AHCYL1: variants seen among roughly 807,000 people sequenced by gnomAD.
The protein encoded by AHCYL1 is S-adenosylhomocysteine hydrolase-like protein 1.
In AHCYL1, 20 loss-of-function variants were observed where a neutral mutation model predicts 79.3. That is an observed-to-expected ratio of 0.25 (90% CI 0.18 to 0.37). AHCYL1 has a LOEUF of 0.37. Among genes scored for constraint, AHCYL1 ranks in the 10% least tolerant of loss-of-function variants. The pLI, the probability that AHCYL1 is intolerant of heterozygous loss-of-function variation, is 1.00. For missense variants in AHCYL1, 330 were observed against 673.6 expected (o/e 0.49, Z 5.65); for synonymous variants, 223 against 242.2 (o/e 0.92, Z 0.74).
In AHCYL1 at chr1:110,011,495, A is replaced by G. The variant is rs190188139; in HGVS notation, c.376+138A>G. ...CAGTATTATGGACTTTCGGATAAAC[A>G]CTTCTCTCTCTATGGAACTTAAGTC... On this transcript the variant is annotated intron_variant, in intron 3 of 16. Coordinates refer to ENST00000369799, the MANE Select transcript of AHCYL1 (RefSeq NM_006621.7). 2,514 of 1,186,932 alleles carry G rather than the reference A, an allele frequency of 2.1e-3. 8 individuals carry two copies. Among genetic ancestry groups the G allele is most frequent in the Non-Finnish European group, 2.8e-3 (2,348 of 850,558 alleles). 73.5% of individuals were successfully genotyped at this position (1,186,932 alleles called of 1,614,324 possible).
chr1:109,990,784 C>T (rs59745525), intron 1 of AHCYL1, among the ~76,000 whole-genome samples: 3 of 152,194 alleles, frequency 2.0e-5, no homozygotes, highest in African/African-American at 2.4e-5. Context: ...TTGTCAGACA[C>T]TGGGCCAGTC....
rs371748913 is a variant in AHCYL1 at position 110,023,274 on chromosome 1, T to TC, written c.*1597dup. On this transcript the variant is annotated 3_prime_UTR_variant, in exon 17 of 17. Transcript: ENST00000369799. ...AACAATTGTCTTGCCAAAACTTTTT[T>TC]CCCTTTTCTCTCCCATTTTCTTTTA... The TC allele has an allele frequency of 2.0e-4, 31 of 152,798 alleles. No individual in the cohort carries two copies. The highest frequency in any genetic ancestry group is 4.1e-4 in the African/African-American group (17 of 41,584). 9.5% of individuals were successfully genotyped at this position (152,798 alleles called of 1,614,324 possible).
chr1:109,984,852 C>T lies in AHCYL1; in HGVS notation c.-201C>T. The T allele has an allele frequency of 1.3e-6, 1 of 780,714 alleles. No individual in the cohort carries two copies. The highest frequency in any genetic ancestry group is 1.7e-6 in the Non-Finnish European group (1 of 576,522). 48.4% of individuals were successfully genotyped at this position (780,714 alleles called of 1,614,324 possible). A position where few individuals can be genotyped will look rare whatever the true frequency, so the allele number is the denominator to read the frequency against. On this transcript the variant is annotated 5_prime_UTR_variant, in exon 1 of 17. Coordinates refer to ENST00000369799, the MANE Select transcript of AHCYL1 (RefSeq NM_006621.7). ...GCTGTTCTGGTTCTCTTGTGGCCGCCGTCGCTGTCCGGCTGCCTTGGGCTG... is the reference window on the plus strand; with the variant it reads ...GCTGTTCTGGTTCTCTTGTGGCCGCTGTCGCTGTCCGGCTGCCTTGGGCTG...
rs1445076232 is a variant in AHCYL1 at position 110,011,334 on chromosome 1, G to A, written c.353G>A (p.Arg118Gln). The change falls in exon 3 of 17, where the codon CGG (arginine) becomes CAG (glutamine). Residue 118 changes from arginine (R) to glutamine (Q), a missense_variant. Around this residue, in one of 6 missense-constraint regions of AHCYL1, gnomAD observed 97 missense variants for 176.3 expected, o/e 0.55. Transcript: ENST00000369799. ...ATCAAGCAGGCAGAATTTGGACGCC[G>A]GGAGATTGAGATTGCAGAGCAAGGT... ...KNIKQAEFGR[R>Q]EIEIAEQDMS... 4.3e-6 allele frequency: 7 copies of A among 1,613,936 alleles called. No individual in the cohort carries two copies. Among genetic ancestry groups the A allele is most frequent in the South Asian group, 1.1e-5 (1 of 91,080 alleles).
chr1:109,996,008 T>C (rs1402776546), intron 1 of AHCYL1, among the ~76,000 whole-genome samples: 1 of 152,084 alleles, frequency 6.6e-6, no homozygotes, highest in African/African-American at 2.4e-5. Flanking sequence ...TCACCTCAGG[T>C]CAGGAGTTCG....
chr1:109,997,438 G>T (rs917881816), intron 1 of AHCYL1, among the ~76,000 whole-genome samples: 2 of 152,154 alleles, frequency 1.3e-5, no homozygotes, highest in African/African-American at 2.4e-5. Context: ...CAGGAGAGCA[G>T]CTTTCTCCTT....
intron 1 of AHCYL1, chr1:110,003,971 T>TAGCTC: frequency 1.0e-6 from 1 of 984,988 alleles, no homozygotes; most frequent in Non-Finnish European, 1.2e-6. Context: ...GAGAGGGGAG[T>TAGCTC]AGCTCACAAG....
rs773882254 is a variant in AHCYL1 at position 110,014,760 on chromosome 1, C to T, written c.581-3C>T. 6.8e-6 allele frequency: 11 copies of T among 1,612,684 alleles called. No individual in the cohort carries two copies. Among genetic ancestry groups the T allele is most frequent in the Admixed American group, 3.3e-5 (2 of 60,008 alleles). On this transcript the variant is annotated splice_region_variant and splice_polypyrimidine_tract_variant and intron_variant, in intron 5 of 16. Coordinates refer to ENST00000369799, the MANE Select transcript of AHCYL1 (RefSeq NM_006621.7). ...ATCAGCTGATTCATTTCTGTCTCTA[C>T]AGGAGTTGCAGTGTTCGCTTGGAAG...
intron 1 of AHCYL1, among the ~76,000 whole-genome samples, chr1:109,992,688 G>A (rs1649830232): frequency 6.6e-6 from 1 of 152,152 alleles, no homozygotes; most frequent in South Asian, 2.1e-4. Context: ...CCTATTTGAG[G>A]GAATGCTCTT....
intron 13 of AHCYL1, 28 bp from the exon 14 acceptor site, chr1:110,019,023 A>T: frequency 6.2e-7 from 1 of 1,607,058 alleles, no homozygotes; most frequent in Non-Finnish European, 8.5e-7. Flanking sequence ...GACAGAGCTC[A>T]TCCCAGGGCT....
chr1:110,021,939 T>C lies in AHCYL1; in HGVS notation c.*259T>C. Reference sequence around the variant, plus strand: ...TTACTCTCCCAGCCCAGAAAGGTGATTCTTTCTTTACCATTTCTGGGGACT... The same window carrying C: ...TTACTCTCCCAGCCCAGAAAGGTGACTCTTTCTTTACCATTTCTGGGGACT... On this transcript the variant is annotated 3_prime_UTR_variant, in exon 17 of 17. Transcript: ENST00000369799. 2.3e-6 allele frequency: 1 copy of C among 437,766 alleles called. No individual in the cohort carries two copies. Among genetic ancestry groups the C allele is most frequent in the South Asian group, 4.2e-5 (1 of 23,692 alleles). 27.1% of individuals were successfully genotyped at this position (437,766 alleles called of 1,614,324 possible). A position where few individuals can be genotyped will look rare whatever the true frequency, so the allele number is the denominator to read the frequency against.
At chr1:110,019,404 C>T in intron 14 of AHCYL1, 144 bp from the exon 15 acceptor site, 1 of 770,638 alleles carries the variant, frequency 1.3e-6, no homozygotes, top group Non-Finnish European at 2.2e-6. Context: ...TGTGTGCTGC[C>T]CTTTAGTATA....
At position 109,984,809 on chromosome 1, in the gene AHCYL1, A is replaced by T; in HGVS notation, c.-244A>T. On this transcript the variant is annotated 5_prime_UTR_variant, in exon 1 of 17. Coordinates refer to ENST00000369799, the MANE Select transcript of AHCYL1 (RefSeq NM_006621.7). ...GTACAGCGGAGGTGGCGGCGCGGGCAGGTCGGAGCTCGGAGCTGCTGTTCT... is the reference window on the plus strand; with the variant it reads ...GTACAGCGGAGGTGGCGGCGCGGGCTGGTCGGAGCTCGGAGCTGCTGTTCT... 2 of 354,750 alleles carry T rather than the reference A, an allele frequency of 5.6e-6. No individual in the cohort carries two copies. The highest frequency in any genetic ancestry group is 7.3e-5 in the South Asian group (1 of 13,654). The allele number at this position is 354,750 out of a possible 1,614,324, so 22.0% of individuals were successfully genotyped here. A position where few individuals can be genotyped will look rare whatever the true frequency, so the allele number is the denominator to read the frequency against.
chr1:110,013,116 C>A, intron 5 of AHCYL1, 117 bp downstream of exon 5: 2 of 697,830 alleles, frequency 2.9e-6, no homozygotes, highest in Non-Finnish European at 4.4e-6. Flanking sequence ...TAAAATTGTG[C>A]ATGATAAAAA....
rs552025501 is a variant in AHCYL1, at chr1:109,990,726, C to A, written c.120+5554C>A. On this transcript the variant is annotated intron_variant, in intron 1 of 16. Coordinates refer to ENST00000369799, the MANE Select transcript of AHCYL1 (RefSeq NM_006621.7). The stretch of plus-strand genomic sequence containing the variant: ...TTGAGATGTCCTCTACCTTACCATT[C>A]CCCATTCATCCCCCGTAATACATAA... Among the ~76,000 whole-genome samples, 41 of 152,250 alleles carry A rather than the reference C, an allele frequency of 2.7e-4. 1 individual carries two copies. The highest frequency in any genetic ancestry group is 2.5e-3 in the Admixed American group (38 of 15,280).
Position 110,001,209 on chromosome 1 carries a change from C to T in AHCYL1, c.121-7825C>T, listed in dbSNP as rs576014862. On this transcript the variant is annotated intron_variant, in intron 1 of 16. Coordinates refer to ENST00000369799, the MANE Select transcript of AHCYL1 (RefSeq NM_006621.7). ...AAATTAATTTTTTTTTTTTTTGAGACGGAGTCTCGCTCTGTTGCCCAGGCG... is the reference window on the plus strand; with the variant it reads ...AAATTAATTTTTTTTTTTTTTGAGATGGAGTCTCGCTCTGTTGCCCAGGCG... Among the ~76,000 whole-genome samples the T allele has an allele frequency of 1.0e-3, 155 of 150,466 alleles. 2 individuals carry two copies. The highest frequency in any genetic ancestry group is 1.6e-3 in the Non-Finnish European group (109 of 67,722).
At chr1:110,017,400 C>T in intron 9 of AHCYL1, 95 bp from the exon 10 acceptor site, 1 of 1,157,990 alleles carries the variant, frequency 8.6e-7, no homozygotes, top group Non-Finnish European at 1.3e-6. Flanking sequence ...CAGGCTATTT[C>T]ATGAAGGTTA....
chr1:109,984,847 G>T lies in AHCYL1; in HGVS notation c.-206G>T, dbSNP rs551373718. 2 of 722,102 alleles carry T rather than the reference G, an allele frequency of 2.8e-6. No individual in the cohort carries two copies. The highest frequency in any genetic ancestry group is 4.1e-5 in the East Asian group (1 of 24,288). The allele number at this position is 722,102 out of a possible 1,614,324, so 44.7% of individuals were successfully genotyped here. ...GAGCTGCTGTTCTGGTTCTCTTGTG[G>T]CCGCCGTCGCTGTCCGGCTGCCTTG... On this transcript the variant is annotated 5_prime_UTR_variant, in exon 1 of 17. Coordinates refer to ENST00000369799, the MANE Select transcript of AHCYL1 (RefSeq NM_006621.7).
At chr1:110,003,914 G>T in intron 1 of AHCYL1, 1 of 985,300 alleles carries the variant, frequency 1.0e-6, no homozygotes, top group African/African-American at 1.7e-5. Flanking sequence ...AGCACTTTAG[G>T]AGATAATAGT....
Sources: gnomAD v4.1 joint callset for allele counts (sites outside exome capture counted in the v4.1 genomes callset) on GRCh38, gnomAD v4.1.1 for gene constraint, gnomAD v4.1.1 regional missense constraint, MANE v1.5 for transcripts, NCBI Gene and HGNC (gene_info 2026-07-23, HGNC 2026-07-21) for gene names.